The following WWP1 variants were observed in gnomAD, a reference collection of about 807,000 sequenced individuals.
WWP1 encodes the protein NEDD4-like E3 ubiquitin-protein ligase WWP1.
A neutral mutation model predicts 130.6 loss-of-function variants in WWP1; 49 were observed. That is an observed-to-expected ratio of 0.38 (90% confidence interval 0.30 to 0.48). WWP1 has a LOEUF of 0.48. Ranked by LOEUF, WWP1 falls within the 20% of genes least tolerant of loss-of-function variation. The pLI, the probability that WWP1 is intolerant of heterozygous loss-of-function variation, is 0.99. For synonymous variants in WWP1, 332 were observed against 367.8 expected (o/e 0.90, Z 1.11); for missense variants, 809 against 1,100.6 (o/e 0.74, Z 3.75).
intron 2 of WWP1, among the ~76,000 whole-genome samples, chr8:86,369,797 G>T (rs1326608564): frequency 6.6e-6 from 1 of 152,048 alleles, no homozygotes; most frequent in Non-Finnish European, 1.5e-5. Flanking sequence ...CTGTCTGAAA[G>T]CTGTATCTGT....
At chr8:86,398,004 T>C (rs1807773838) in intron 5 of WWP1, among the ~76,000 whole-genome samples, 1 of 152,190 alleles carries the variant, frequency 6.6e-6, no homozygotes, top group Non-Finnish European at 1.5e-5. Flanking sequence ...GAAACCAAAC[T>C]TAATCTGACT....
intron 14 of WWP1, among the ~76,000 whole-genome samples, chr8:86,435,108 T>C (rs535313466): frequency 3.4e-4 from 52 of 152,352 alleles, no homozygotes; most frequent in African/African-American, 1.2e-3. Flanking sequence ...TAGAATTTCC[T>C]TCCACGTCTC....
intron 1 of WWP1, among the ~76,000 whole-genome samples, chr8:86,368,143 T>C (rs1485650871): frequency 6.6e-6 from 1 of 152,208 alleles, no homozygotes; most frequent in East Asian, 1.9e-4. Flanking sequence ...ATTGAGTCTT[T>C]ACTTCGTGTC....
At chr8:86,356,507 TAACA>T (rs1187928373) in intron 1 of WWP1, among the ~76,000 whole-genome samples, 1 of 151,596 alleles carries the variant, frequency 6.6e-6, no homozygotes, top group African/African-American at 2.4e-5. Flanking sequence ...TAATATTGTA[TAACA>T]AACTGAGAAA....
intron 3 of WWP1, among the ~76,000 whole-genome samples, chr8:86,379,286 A>C (rs933701806): frequency 2.0e-5 from 3 of 152,208 alleles, no homozygotes; most frequent in Non-Finnish European, 2.9e-5. Flanking sequence ...AGCAGTTCAG[A>C]CATAACATTG....
At chr8:86,399,002 T>TAAA (rs1807828720) in intron 7 of WWP1, among the ~76,000 whole-genome samples, 1 of 152,182 alleles carries the variant, frequency 6.6e-6, no homozygotes, top group Admixed American at 6.5e-5. Flanking sequence ...ATCTACTTTT[T>TAAA]CTGTGTCTGT....
intron 9 of WWP1, among the ~76,000 whole-genome samples, chr8:86,422,305 A>G (rs1328076054): frequency 1.3e-5 from 2 of 148,390 alleles, no homozygotes; most frequent in African/African-American, 5.1e-5. Flanking sequence ...TCTTAAACTC[A>G]GAAGTACCAG....
intron 2 of WWP1, among the ~76,000 whole-genome samples, chr8:86,370,396 AACATTTCTG>A (rs1456059398): frequency 2.0e-5 from 3 of 152,170 alleles, no homozygotes; most frequent in African/African-American, 7.2e-5. Context: ...TAGACAAGTA[AACATTTCTG>A]TACACTAGTT....
intron 10 of WWP1, among the ~76,000 whole-genome samples, chr8:86,426,692 A>T (rs1809642452): frequency 6.6e-6 from 1 of 152,204 alleles, no homozygotes; most frequent in Admixed American, 6.5e-5. Context: ...CATGGGTGGA[A>T]TGACATGGAG....
chr8:86,384,245 G>A (rs191762280), intron 5 of WWP1, among the ~76,000 whole-genome samples: 1 of 152,062 alleles, frequency 6.6e-6, no homozygotes, highest in South Asian at 2.1e-4. Flanking sequence ...TTCAACATAC[G>A]AATTTGGTGG....
intron 22 of WWP1, among the ~76,000 whole-genome samples, chr8:86,459,671 A>G (rs1056412236): frequency 6.6e-6 from 1 of 152,366 alleles, no homozygotes; most frequent in Non-Finnish European, 1.5e-5. Context: ...TTTCAAGCCT[A>G]AAATATCTGA....
Position 86,435,679 on chromosome 8 carries a change from C to T in WWP1, c.1724C>T (p.Thr575Ile). ...SHVKINVSRQTLFEDSFQQIM... is the reference protein window; with the variant it reads ...SHVKINVSRQILFEDSFQQIM... ...GTAAAGATCAATGTGTCCCGGCAGA[C>T]ATTGTTTGAAGATTCCTTCCAACAG... is the stretch of plus-strand genomic sequence containing the variant. The change falls in exon 16 of 25, where the codon ACA becomes ATA. Residue 575 changes from threonine to isoleucine, a missense_variant. By Grantham distance (89) the Thr-to-Ile change is moderately conservative. Coordinates refer to ENST00000517970, the MANE Select transcript of WWP1 (RefSeq NM_007013.4). 1 of 1,612,356 alleles carries T rather than the reference C, an allele frequency of 6.2e-7. No individual in the cohort carries two copies. Among genetic ancestry groups the T allele is most frequent in the Non-Finnish European group, 8.5e-7 (1 of 1,179,738 alleles).
intron 5 of WWP1, among the ~76,000 whole-genome samples, chr8:86,391,228 T>G (rs1005354675): frequency 6.6e-6 from 1 of 152,250 alleles, no homozygotes; most frequent in African/African-American, 2.4e-5. Flanking sequence ...TTCATCTGTT[T>G]TGTATAAGCC....
At chr8:86,458,893 T>G (rs929218361) in intron 22 of WWP1, among the ~76,000 whole-genome samples, 5 of 152,160 alleles carry the variant, frequency 3.3e-5, no homozygotes, top group South Asian at 2.1e-4. Flanking sequence ...TAATGCAACA[T>G]CATTGGTATA....
chr8:86,403,191 C>T (rs1808095941), intron 8 of WWP1, among the ~76,000 whole-genome samples: 1 of 152,066 alleles, frequency 6.6e-6, no homozygotes, highest in African/African-American at 2.4e-5. Context: ...TATTCAAGAG[C>T]GTATGTTCCT....
At chr8:86,407,798 C>T (rs1412570320) in intron 8 of WWP1, among the ~76,000 whole-genome samples, 3 of 152,062 alleles carry the variant, frequency 2.0e-5, no homozygotes, top group Non-Finnish European at 4.4e-5. Flanking sequence ...AGAGAGTTCC[C>T]ATATGTCCTC....
At chr8:86,391,475 C>A (rs1326526237) in intron 5 of WWP1, among the ~76,000 whole-genome samples, 1 of 151,902 alleles carries the variant, frequency 6.6e-6, no homozygotes, top group East Asian at 1.9e-4. Flanking sequence ...AGGTATGTTT[C>A]ACTCAGTCAG....
At chr8:86,441,235 TC>T (rs1217024555) in intron 17 of WWP1, among the ~76,000 whole-genome samples, 1 of 152,316 alleles carries the variant, frequency 6.6e-6, no homozygotes, top group East Asian at 1.9e-4. Context: ...CAAGACCTGC[TC>T]CATCCTCTTA....
chr8:86,448,318 G>A, intron 19 of WWP1, 37 bp downstream of exon 19: 1 of 1,582,386 alleles, frequency 6.3e-7, no homozygotes, highest in Non-Finnish European at 8.6e-7. Context: ...TCATTTTTTT[G>A]AAACCCATTT....
Sources: gnomAD v4.1 joint callset for allele counts (sites outside exome capture counted in the v4.1 genomes callset) on GRCh38, gnomAD v4.1.1 for gene constraint, MANE v1.5 for transcripts, NCBI Gene and HGNC (gene_info 2026-07-23, HGNC 2026-07-21) for gene names.